Variants in SYCP3 observed in about 807,000 individuals in gnomAD.
The protein encoded by SYCP3 is synaptonemal complex protein 3.
In SYCP3, 29 loss-of-function variants were observed where a neutral mutation model predicts 38.5. The observed-to-expected ratio is 0.75, with a 90% CI of 0.56 to 1.03. SYCP3 has a LOEUF of 1.03. Ranked by LOEUF, SYCP3 falls within the 50% of genes least tolerant of loss-of-function variation. SYCP3 has a pLI of 0.00. For synonymous variants in SYCP3, 79 were observed against 80.3 expected, an observed-to-expected ratio of 0.98 and a Z score of 0.08; for missense variants, 242 against 270.7, an observed-to-expected ratio of 0.89 and a Z score of 0.74.
chr12:101,738,009 T>G (rs1186558475), intron 1 of SYCP3, 57 bp from the exon 2 acceptor site: 9 of 1,578,102 alleles, frequency 5.7e-6, no homozygotes, highest in Non-Finnish European at 6.9e-6. Flanking sequence ...TTTAATACAC[T>G]GGTAAAAGTT....
At chr12:101,736,860 G>A (rs1952467136) in intron 4 of SYCP3, among the ~76,000 whole-genome samples, 177 bp downstream of exon 4, 1 of 151,804 alleles carries the variant, frequency 6.6e-6, no homozygotes, top group African/African-American at 2.4e-5. Flanking sequence ...TTAACATCAT[G>A]GAAAAGATTA....
chr12:101,737,451 G>A, intron 2 of SYCP3, 153 bp from the exon 3 acceptor site: 1 of 759,126 alleles, frequency 1.3e-6, no homozygotes, highest in Non-Finnish European at 2.1e-6. Flanking sequence ...ATTCTCTGCA[G>A]GTTAGGTGAA....
intron 7 of SYCP3, chr12:101,730,403 C>A (rs1227299711): frequency 5.2e-6 from 2 of 384,692 alleles, no homozygotes; most frequent in Non-Finnish European, 9.9e-6. Context: ...AAACTTCACA[C>A]CAACTACCAA....
In SYCP3 at chr12:101,728,729, C is replaced by T. The variant is rs537685305; in HGVS notation, c.*198G>A. 1.4e-4 allele frequency: 93 copies of T among 676,784 alleles called. No homozygotes were observed. Among genetic ancestry groups the T allele is most frequent in the Non-Finnish European group, 2.0e-4 (82 of 412,608 alleles). The allele number at this position is 676,784 out of a possible 1,614,324, so 41.9% of individuals were successfully genotyped here. ...TTACTAAAGAGCTGAAAGCTTAATA[C>T]ATATTCTTTAGGAATAGTTGCTAAC... On this transcript the variant is annotated 3_prime_UTR_variant, in exon 9 of 9. Transcript: ENST00000392924.
At chr12:101,729,863 G>A (rs1952107100) in intron 7 of SYCP3, among the ~76,000 whole-genome samples, 1 of 152,044 alleles carries the variant, frequency 6.6e-6, no homozygotes, top group Non-Finnish European at 1.5e-5. Flanking sequence ...AATTTAGTGG[G>A]CAAAATACTA....
At chr12:101,735,707 A>C (rs1952383781) in intron 4 of SYCP3, among the ~76,000 whole-genome samples, 1 of 151,568 alleles carries the variant, frequency 6.6e-6, no homozygotes, top group Non-Finnish European at 1.5e-5. Context: ...CTAAATTTAT[A>C]AAATACACCC....
At chr12:101,731,725 A>G (rs947524800) in intron 6 of SYCP3, 59 bp from the exon 7 acceptor site, 12 of 1,239,236 alleles carry the variant, frequency 9.7e-6, no homozygotes, top group Non-Finnish European at 1.1e-5. Context: ...TTTTAAATTT[A>G]GAAAAAATAA....
intron 2 of SYCP3, 168 bp from the exon 3 acceptor site, chr12:101,737,466 A>T (rs1952498798): frequency 1.4e-6 from 1 of 726,002 alleles, no homozygotes; most frequent in Admixed American, 2.8e-5. Flanking sequence ...GGTGAAATTA[A>T]ATCAGGATTC....
At position 101,739,370 on chromosome 12, in the gene SYCP3, C is replaced by T. The variant is rs940965956; in HGVS notation, c.-37G>A. ...TCACACCTGAAACACACCGCAATGG[C>T]CGAGGACCAGTTACTGGTCGTCGAC... On this transcript the variant is annotated 5_prime_UTR_variant, in exon 1 of 9. Coordinates refer to ENST00000392924, the MANE Select transcript of SYCP3 (RefSeq NM_001177949.2). 1.8e-5 allele frequency: 18 copies of T among 1,002,738 alleles called. No individual in the cohort carries two copies. The East Asian group carries it at 1.9e-3, about 107-fold the overall frequency. 62.1% of individuals were successfully genotyped at this position (1,002,738 alleles called of 1,614,324 possible).
chr12:101,736,874 A>T (rs1952467855), intron 4 of SYCP3, among the ~76,000 whole-genome samples, 163 bp downstream of exon 4: 1 of 152,216 alleles, frequency 6.6e-6, no homozygotes, highest in African/African-American at 2.4e-5. Flanking sequence ...AAGATTAACT[A>T]TGAAAATCTG....
chr12:101,735,307 T>C (rs747135422), intron 4 of SYCP3, among the ~76,000 whole-genome samples: 1 of 152,046 alleles, frequency 6.6e-6, no homozygotes, highest in Non-Finnish European at 1.5e-5. Flanking sequence ...AAAGAGCTAA[T>C]AAACAAAACA....
rs760019765 is a variant in SYCP3, at chr12:101,729,007, ATTTG to A, written c.658-31_658-28del. 3.7e-6 allele frequency: 6 copies of A among 1,613,160 alleles called. No individual in the cohort carries two copies. The South Asian group carries it at 4.4e-5, about 12-fold the overall frequency. ...TGTTTCATGGAAGGAGATATTAAAC[ATTTG>A]TTTAATTTTTATTTAAGTGTTATAC... is the stretch of plus-strand genomic sequence containing the variant. On this transcript the variant is annotated intron_variant, in intron 8 of 8. Transcript: ENST00000392924.
At chr12:101,738,545 T>C (rs888625233) in intron 1 of SYCP3, among the ~76,000 whole-genome samples, 11 of 151,742 alleles carry the variant, frequency 7.2e-5, no homozygotes, top group African/African-American at 2.7e-4. Context: ...GAGACCAGCC[T>C]GGCCAACATG....
chr12:101,734,838 G>A (rs545045495), intron 5 of SYCP3, 89 bp downstream of exon 5: 37 of 928,428 alleles, frequency 4.0e-5, no homozygotes, highest in East Asian at 1.3e-4. Context: ...ATGAGCCACC[G>A]TGCCGATCCT....
chr12:101,738,895 C>T (rs978481887), intron 1 of SYCP3, among the ~76,000 whole-genome samples: 1 of 152,142 alleles, frequency 6.6e-6, no homozygotes, highest in Non-Finnish European at 1.5e-5. Context: ...CTCAGTCACG[C>T]GGGGAAATTA....
intron 1 of SYCP3, 131 bp downstream of exon 1, chr12:101,739,220 C>T: frequency 2.1e-6 from 2 of 949,686 alleles, no homozygotes; most frequent in Non-Finnish European, 2.5e-6. Flanking sequence ...AAGGCCCTGT[C>T]CTCAGGTTCG....
Position 101,737,245 on chromosome 12 carries a change from C to T in SYCP3, c.187G>A (p.Val63Ile), listed in dbSNP as rs761007423. ...RRKKRSSAGV[V>I]EDMGGEVQNM... ...TGAACACGTTACCCCATATCTTCAA[C>T]TACTCCTGCAGAAGACCTTTTCTTC... The change falls in exon 3 of 9, where the codon GTT (valine) becomes ATT (isoleucine). Residue 63 changes from valine (V) to isoleucine (I), a missense_variant. Coordinates refer to ENST00000392924, the MANE Select transcript of SYCP3 (RefSeq NM_001177949.2). 1 of 1,612,568 alleles carries T rather than the reference C, an allele frequency of 6.2e-7. No individual in the cohort carries two copies.
Position 101,737,253 on chromosome 12 carries a change from G to C in SYCP3, c.179C>G (p.Ala60Gly). 2 of 1,611,788 alleles carry C rather than the reference G, an allele frequency of 1.2e-6. No individual in the cohort carries two copies. The highest frequency in any genetic ancestry group is 1.7e-6 in the Non-Finnish European group (2 of 1,179,680). ...TTACCCCATATCTTCAACTACTCCT[G>C]CAGAAGACCTTTTCTTCCTACGTTT... The part of the protein sequence containing the change: ...IEKRRKKRSS[A>G]GVVEDMGGEV... Residue 60 changes from alanine (A) to glycine (G), a missense_variant, in exon 3 of 9, where the codon GCA becomes GGA. Coordinates refer to ENST00000392924, the MANE Select transcript of SYCP3 (RefSeq NM_001177949.2).
intron 4 of SYCP3, among the ~76,000 whole-genome samples, chr12:101,735,871 A>ATATATAAATATATATATATTTTTTTTTT: frequency 1.3e-5 from 1 of 74,790 alleles, no homozygotes; most frequent in East Asian, 3.8e-4. Context: ...ATATATATAT[A>ATATATAAATATATATATATTTTTTTTTT]TTTTTTTTTT....
Sources: allele counts gnomAD v4.1 joint callset (sites outside exome capture counted in the v4.1 genomes callset), GRCh38; gene constraint gnomAD v4.1.1; transcripts MANE v1.5; gene names NCBI Gene and HGNC (gene_info 2026-07-23, HGNC 2026-07-21).